The following MEGF11 variants were observed in gnomAD, a reference collection of about 807,000 sequenced individuals.
The protein encoded by MEGF11 is multiple EGF like domains 11.
MEGF11 carries 126 observed loss-of-function variants against 146.6 expected under a neutral mutation model. The ratio of observed to expected loss-of-function variants is 0.86; its 90% confidence interval spans 0.74 to 1.00. The LOEUF is 1.00. Ranked by LOEUF, MEGF11 falls within the 50% of genes least tolerant of loss-of-function variation. MEGF11 has a pLI of 0.00. For missense variants in MEGF11, 1,509 were observed against 1,521.2 expected (o/e 0.99, Z 0.13); for synonymous variants, 532 against 583.4 (o/e 0.91, Z 1.27).
chr15:66,061,559 T>A (rs2084907875), intron 5 of MEGF11, among the ~76,000 whole-genome samples: 1 of 151,708 alleles, frequency 6.6e-6, no homozygotes, highest in Non-Finnish European at 1.5e-5. Flanking sequence ...AATAAGATGA[T>A]CACAGATTGT....
chr15:66,033,363 C>T (rs1853666871), intron 5 of MEGF11, among the ~76,000 whole-genome samples: 1 of 152,248 alleles, frequency 6.6e-6, no homozygotes, highest in Admixed American at 6.5e-5. Flanking sequence ...GTGCCCTCCA[C>T]AGGCTCCATG....
At chr15:66,118,115 G>A (rs959959103) in intron 4 of MEGF11, among the ~76,000 whole-genome samples, 1 of 152,142 alleles carries the variant, frequency 6.6e-6, no homozygotes, top group Non-Finnish European at 1.5e-5. Flanking sequence ...AAGCTTTGGG[G>A]GTGGAATCTC....
chr15:66,136,218 G>A (rs2088878650), intron 1 of MEGF11, among the ~76,000 whole-genome samples: 2 of 152,244 alleles, frequency 1.3e-5, no homozygotes, highest in African/African-American at 2.4e-5. Flanking sequence ...GTGGTGCCCT[G>A]CAAACTGCAG....
rs148958597 is a variant in MEGF11 at position 66,128,387 on chromosome 15, G to T, written c.17C>A (p.Thr6Lys). Residue 6 changes from threonine (T) to lysine (K), a missense_variant, in exon 2 of 26, where the codon ACG (threonine) becomes AAG (lysine). Coordinates refer to ENST00000395614, the MANE Select transcript of MEGF11 (RefSeq NM_001385028.1). MVLSL[T>K]GLIAFSFLQA... is the part of the protein sequence containing the mutation. ...CAGGAAGGAGAAGGCAATGAGCCCC[G>T]TCAGGGAGAGCACCATCCCGGGCCC... 9.2e-6 allele frequency: 14 copies of T among 1,516,480 alleles called. No homozygotes were observed. The African/African-American group carries it at 2.0e-4, about 21-fold the overall frequency. The allele number at this position is 1,516,480 out of a possible 1,614,324, so 93.9% of individuals were successfully genotyped here.
Position 66,133,233 on chromosome 15 carries a change from T to G in MEGF11, c.-8-4822A>C, listed in dbSNP as rs76581526. On this transcript the variant is annotated intron_variant, in intron 1 of 25. Coordinates refer to ENST00000395614, the MANE Select transcript of MEGF11 (RefSeq NM_001385028.1). Reference sequence around the variant, plus strand: ...AAAGACTCCTGCCTGGACCACCCCATCAGCACCAGCGCATGTCTGCTCCCC... The same window carrying G: ...AAAGACTCCTGCCTGGACCACCCCAGCAGCACCAGCGCATGTCTGCTCCCC... Among the ~76,000 whole-genome samples the G allele has an allele frequency of 7.9e-3, 1,205 of 152,252 alleles. 19 individuals carry two copies. The highest frequency in any genetic ancestry group is 0.027 in the African/African-American group (1,121 of 41,530).
At chr15:66,128,494 T>C (rs2088489402) in intron 1 of MEGF11, 83 bp from the exon 2 acceptor site, 2 of 719,150 alleles carry the variant, frequency 2.8e-6, no homozygotes, top group Admixed American at 4.1e-5. Context: ...TCGTGGGTAA[T>C]GAGCATTTGA....
At chr15:66,129,296 C>T (rs2088539724) in intron 1 of MEGF11, among the ~76,000 whole-genome samples, 1 of 152,238 alleles carries the variant, frequency 6.6e-6, no homozygotes, top group Admixed American at 6.5e-5. Context: ...CCTCAGAGAA[C>T]TTCCAGTCCA....
intron 1 of MEGF11, among the ~76,000 whole-genome samples, chr15:66,131,122 A>C (rs1170169989): frequency 6.6e-6 from 1 of 152,244 alleles, no homozygotes; most frequent in Non-Finnish European, 1.5e-5. Context: ...AGGAAGTTGC[A>C]GAGGTGGAAA....
At chr15:66,012,103 C>T (rs1476577280) in intron 5 of MEGF11, among the ~76,000 whole-genome samples, 2 of 151,754 alleles carry the variant, frequency 1.3e-5, no homozygotes, top group African/African-American at 4.8e-5. Flanking sequence ...TGGCACATAC[C>T]TGTAGTCCCA....
chr15:66,131,445 G>A (rs2088642935), intron 1 of MEGF11, among the ~76,000 whole-genome samples: 1 of 152,260 alleles, frequency 6.6e-6, no homozygotes, highest in South Asian at 2.1e-4. Flanking sequence ...TGTGGAGTGG[G>A]TGGGACTTGG....
At chr15:65,984,254 C>G (rs779002014) in intron 5 of MEGF11, among the ~76,000 whole-genome samples, 4 of 152,048 alleles carry the variant, frequency 2.6e-5, no homozygotes, top group Non-Finnish European at 5.9e-5. Flanking sequence ...GGCTGGACAC[C>G]GTGGCTCATA....
chr15:66,064,299 G>A (rs2085026278), intron 5 of MEGF11, among the ~76,000 whole-genome samples: 2 of 152,160 alleles, frequency 1.3e-5, no homozygotes, highest in South Asian at 2.1e-4. Flanking sequence ...AACCCAGGAG[G>A]TGGAGGTTAC....
chr15:65,918,920 T>G (rs2079086986), intron 15 of MEGF11, among the ~76,000 whole-genome samples: 1 of 152,212 alleles, frequency 6.6e-6, no homozygotes, highest in African/African-American at 2.4e-5. Context: ...AGCACAGCTT[T>G]CTTCATGGCA....
intron 13 of MEGF11, among the ~76,000 whole-genome samples, chr15:65,925,921 C>G (rs773653902): frequency 2.6e-5 from 4 of 152,192 alleles, no homozygotes; most frequent in Non-Finnish European, 4.4e-5. Context: ...CTACCTGTTA[C>G]TTGAAAGCTT....
intron 5 of MEGF11, among the ~76,000 whole-genome samples, chr15:66,050,085 G>A (rs2084389785): frequency 6.6e-6 from 1 of 152,074 alleles, no homozygotes. Context: ...ATTGAGACAG[G>A]GTCTCACTGT....
At chr15:65,940,775 C>T (rs1208560984) in intron 10 of MEGF11, among the ~76,000 whole-genome samples, 3 of 152,164 alleles carry the variant, frequency 2.0e-5, no homozygotes, top group Non-Finnish European at 4.4e-5. Context: ...CTGTCTGGCT[C>T]CCATGCAGGT....
intron 5 of MEGF11, among the ~76,000 whole-genome samples, chr15:66,073,693 C>T (rs1369365453): frequency 2.0e-5 from 3 of 152,172 alleles, no homozygotes; most frequent in Admixed American, 2.0e-4. Flanking sequence ...TGTTTACCTG[C>T]TTTTTATGGC....
intron 1 of MEGF11, among the ~76,000 whole-genome samples, chr15:66,244,790 A>T (rs1426135807): frequency 4.6e-5 from 7 of 152,156 alleles, no homozygotes; most frequent in African/African-American, 1.4e-4. Context: ...GGTGAAGATT[A>T]ACTGATTTCT....
At chr15:66,204,979 ATT>A (rs34157473) in intron 1 of MEGF11, among the ~76,000 whole-genome samples, 5,781 of 125,108 alleles carry the variant, frequency 0.046, 275 homozygotes, top group African/African-American at 0.13. Context: ...CTTGGGTTGA[ATT>A]TTTTTTTTTT....
Sources: allele counts gnomAD v4.1 joint callset (sites outside exome capture counted in the v4.1 genomes callset), GRCh38; gene constraint gnomAD v4.1.1; transcripts MANE v1.5; gene names NCBI Gene and HGNC (gene_info 2026-07-23, HGNC 2026-07-21).